The following UAP1 variants were observed in gnomAD, a reference collection of about 807,000 sequenced individuals.
The protein encoded by UAP1 is UDP-N-acetylglucosamine pyrophosphorylase 1.
In UAP1, 25 loss-of-function variants were observed where a neutral mutation model predicts 58.5. That is an observed-to-expected ratio of 0.43 (90% CI 0.31 to 0.60). The LOEUF is 0.60. UAP1 is among the 20% of genes least tolerant of loss of function. The pLI, the probability that UAP1 is intolerant of heterozygous loss-of-function variation, is 0.11. For synonymous variants in UAP1, 208 were observed against 213.0 expected (o/e 0.98, Z 0.21); for missense variants, 575 against 630.0 (o/e 0.91, Z 0.93).
chr1:162,573,984 G>C (rs1416557393), intron 2 of UAP1, among the ~76,000 whole-genome samples: 1 of 151,442 alleles, frequency 6.6e-6, no homozygotes, highest in Non-Finnish European at 1.5e-5. Flanking sequence ...AGAAGAAATA[G>C]CTGGAATGAT....
At chr1:162,574,723 A>G (rs189647601) in intron 2 of UAP1, among the ~76,000 whole-genome samples, 1 of 152,026 alleles carries the variant, frequency 6.6e-6, no homozygotes, top group East Asian at 1.9e-4. Flanking sequence ...CTCACAAGCT[A>G]CTCTGCCTTA....
At chr1:162,565,091 A>T (rs1279679896) in intron 1 of UAP1, among the ~76,000 whole-genome samples, 1 of 151,468 alleles carries the variant, frequency 6.6e-6, no homozygotes, top group Non-Finnish European at 1.5e-5. Context: ...TTGGTCTTGA[A>T]CTCCTGAGCC....
chr1:162,586,285 A>G (rs933442858), intron 5 of UAP1, among the ~76,000 whole-genome samples: 1 of 152,204 alleles, frequency 6.6e-6, no homozygotes. Context: ...AGCATGCTGA[A>G]TTGATAATTA....
intron 4 of UAP1, 43 bp from the exon 5 acceptor site, chr1:162,581,244 G>A: frequency 6.4e-7 from 1 of 1,558,732 alleles, no homozygotes; most frequent in Non-Finnish European, 8.7e-7. Flanking sequence ...TTACCTTTAT[G>A]ATGGATTTTG....
chr1:162,589,209 A>ATATATAT (rs1553232332), intron 7 of UAP1, among the ~76,000 whole-genome samples: 98 of 111,900 alleles, frequency 8.8e-4, no homozygotes, highest in South Asian at 5.5e-3. Flanking sequence ...TTATATTTAA[A>ATATATAT]TATATATAAT....
At chr1:162,577,115 T>C (rs1409436185) in intron 3 of UAP1, 134 bp downstream of exon 3, 1 of 895,516 alleles carries the variant, frequency 1.1e-6, no homozygotes, top group Non-Finnish European at 1.7e-6. Context: ...TAATTTACTA[T>C]ATATGTTAAA....
At chr1:162,566,458 G>C (rs960878133) in intron 2 of UAP1, 110 bp downstream of exon 2, 1 of 1,153,908 alleles carries the variant, frequency 8.7e-7, no homozygotes, top group African/African-American at 1.6e-5. Context: ...ATTAAACCAG[G>C]TGACCTAGCA....
chr1:162,577,169 A>C (rs1654240683), intron 3 of UAP1, among the ~76,000 whole-genome samples, 188 bp downstream of exon 3: 1 of 152,100 alleles, frequency 6.6e-6, no homozygotes, highest in South Asian at 2.1e-4. Flanking sequence ...TATTGACTTA[A>C]TAAGCAATAT....
intron 2 of UAP1, 84 bp downstream of exon 2, chr1:162,566,432 T>C: frequency 7.2e-7 from 1 of 1,390,122 alleles, no homozygotes; most frequent in Non-Finnish European, 9.7e-7. Context: ...GTCACTAATA[T>C]TTTGATTCAT....
intron 9 of UAP1, among the ~76,000 whole-genome samples, chr1:162,594,950 G>A (rs1258700485): frequency 6.6e-6 from 1 of 152,160 alleles, no homozygotes; most frequent in African/African-American, 2.4e-5. Flanking sequence ...GTAATTGTGA[G>A]AGATGAAAAG....
At chr1:162,564,251 A>C (rs147727281) in intron 1 of UAP1, among the ~76,000 whole-genome samples, 2 of 152,160 alleles carry the variant, frequency 1.3e-5, no homozygotes, top group Non-Finnish European at 2.9e-5. Flanking sequence ...TCTAGACCTG[A>C]GCTTGTAAAT....
intron 2 of UAP1, among the ~76,000 whole-genome samples, chr1:162,568,767 A>G (rs1653682505): frequency 6.6e-6 from 1 of 152,190 alleles, no homozygotes; most frequent in Non-Finnish European, 1.5e-5. Flanking sequence ...CTAGTATCCC[A>G]GTTGCCTATA....
chr1:162,587,008 C>T (rs1399700055), intron 5 of UAP1, among the ~76,000 whole-genome samples: 2 of 152,020 alleles, frequency 1.3e-5, no homozygotes, highest in Non-Finnish European at 2.9e-5. Flanking sequence ...ATGCTTTTTT[C>T]AAATGAAATA....
At chr1:162,600,972 T>C (rs75504853), downstream of UAP1, among the ~76,000 whole-genome samples, 1,894 of 152,238 alleles carry the variant, frequency 0.012, 29 homozygotes, top group East Asian at 0.049. Context: ...TATTTATTCT[T>C]CTCCTGTTGT....
exon 6 of UAP1, chr1:162,587,606 G>C (rs750676245): frequency 6.2e-7 from 1 of 1,614,108 alleles, no homozygotes; most frequent in Non-Finnish European, 8.5e-7. Context: ...GACGACTGCT[G>C]TTCAATGCGG....
At chr1:162,577,845 T>G (rs934496708) in intron 3 of UAP1, among the ~76,000 whole-genome samples, 1 of 151,922 alleles carries the variant, frequency 6.6e-6, no homozygotes, top group Non-Finnish European at 1.5e-5. Context: ...CTCCTGACCT[T>G]GTGATCTGCC....
At chr1:162,576,341 G>A (rs1370172981) in intron 2 of UAP1, among the ~76,000 whole-genome samples, 2 of 151,816 alleles carry the variant, frequency 1.3e-5, no homozygotes, top group South Asian at 2.1e-4. Flanking sequence ...AAATTTTTGC[G>A]AAACATTTAT....
chr1:162,561,995 C>G (rs1455489462), intron 1 of UAP1, among the ~76,000 whole-genome samples: 1 of 152,224 alleles, frequency 6.6e-6, no homozygotes, highest in Non-Finnish European at 1.5e-5. Flanking sequence ...CCATCCTCCG[C>G]CACCCCGCGA....
At chr1:162,573,326 C>T (rs1653983171) in intron 2 of UAP1, among the ~76,000 whole-genome samples, 1 of 151,960 alleles carries the variant, frequency 6.6e-6, no homozygotes, top group Admixed American at 6.6e-5. Context: ...TGAAGAGGCC[C>T]TGGAGTCAGG....
Sources: gnomAD v4.1 joint callset for allele counts (sites outside exome capture counted in the v4.1 genomes callset) on GRCh38, gnomAD v4.1.1 for gene constraint, MANE v1.5 for transcripts, NCBI Gene and HGNC (gene_info 2026-07-23, HGNC 2026-07-21) for gene names.